ERI1: variants seen among roughly 807,000 people sequenced by gnomAD.
The protein encoded by ERI1 is 3'-5' exoribonuclease 1.
Under a neutral mutation model 39.7 loss-of-function variants are expected in ERI1, and 39 were observed. That is an observed-to-expected ratio of 0.98 (90% CI 0.76 to 1.28). The LOEUF (loss-of-function observed/expected upper bound fraction) is 1.28. ERI1 is among the 50% of genes most tolerant of loss of function. ERI1 has a pLI of 0.00. For synonymous variants in ERI1, 204 were observed against 149.6 expected (o/e 1.36, Z -2.65); for missense variants, 581 against 416.9 (o/e 1.39, Z -3.43).
chr8:9,077,709 T>C (rs754005176), intron 3 of ERI1, among the ~76,000 whole-genome samples: 1 of 152,224 alleles, frequency 6.6e-6, no homozygotes, highest in Admixed American at 6.5e-5. Context: ...CTTTAGTCTA[T>C]TTTCCTGAGT....
intron 3 of ERI1, among the ~76,000 whole-genome samples, chr8:9,066,389 A>C (rs1053679503): frequency 6.6e-6 from 1 of 152,238 alleles, no homozygotes; most frequent in African/African-American, 2.4e-5. Context: ...TTGGATAAGA[A>C]GAAAGCAAGA....
chr8:9,008,276 A>G (rs1264672002), intron 2 of ERI1, 128 bp downstream of exon 2: 1 of 816,476 alleles, frequency 1.2e-6, no homozygotes, highest in African/African-American at 1.8e-5. Flanking sequence ...AACAGTTCAC[A>G]AAAACTAATT....
At chr8:9,035,780 G>T (rs192556622), downstream of ERI1, among the ~76,000 whole-genome samples, 6 of 152,186 alleles carry the variant, frequency 3.9e-5, no homozygotes, top group African/African-American at 1.4e-4. Context: ...GTAGTGATTC[G>T]TCTGATGGAT....
At chr8:9,005,797 A>G (rs372753292) in intron 1 of ERI1, among the ~76,000 whole-genome samples, 3 of 152,222 alleles carry the variant, frequency 2.0e-5, no homozygotes, top group Admixed American at 1.3e-4. Context: ...CCCGGCCTCA[A>G]CGACAGTTTT....
At chr8:9,056,147 G>C (rs1798499808) in intron 3 of ERI1, among the ~76,000 whole-genome samples, 1 of 152,256 alleles carries the variant, frequency 6.6e-6, no homozygotes, top group South Asian at 2.1e-4. Flanking sequence ...TCGTGAAGAA[G>C]AGTTTGGAAA....
chr8:9,023,793 CTTTTTT>C lies in ERI1; in HGVS notation c.807+3347_807+3352del, dbSNP rs3083379. On this transcript the variant is annotated intron_variant, in intron 6 of 6. Transcript: ENST00000250263. ...ACATTTTTTTTTTAAGTAAAAATGA[CTTTTTT>C]TTTTTTTTTTTTTTTTTGAGGCGGA... Among the ~76,000 whole-genome samples the C allele has an allele frequency of 1.2e-4, 10 of 80,544 alleles. 1 individual carries two copies. Among genetic ancestry groups the C allele is most frequent in the African/African-American group, 2.6e-4 (5 of 19,602 alleles). The allele number at this position is 80,544 out of a possible 152,430, so 52.8% of individuals were successfully genotyped here. A position where few individuals can be genotyped will look rare whatever the true frequency, so the allele number is the denominator to read the frequency against.
intron 3 of ERI1, among the ~76,000 whole-genome samples, chr8:9,079,357 G>C (rs532589123): frequency 1.3e-5 from 2 of 152,338 alleles, no homozygotes; most frequent in South Asian, 4.1e-4. Context: ...CATGAGTTCA[G>C]CTATAGACCG....
chr8:9,035,697 G>T (rs954230957), downstream of ERI1, among the ~76,000 whole-genome samples: 1 of 152,320 alleles, frequency 6.6e-6, no homozygotes, highest in East Asian at 1.9e-4. Context: ...ACAGCCCATG[G>T]ATCAAGTAGT....
intron 1 of ERI1, among the ~76,000 whole-genome samples, chr8:9,004,485 C>CTTTTTTTTTTTTTTTTTTTTT (rs71201904): frequency 1.3e-5 from 1 of 78,328 alleles, no homozygotes; most frequent in African/African-American, 5.0e-5. Context: ...TATAGTGATA[C>CTTTTTTTTTTTTTTTTTTTTT]TTTTTTTTTT....
At position 9,029,899 on chromosome 8, in the gene ERI1, A is replaced by G. The variant is rs565090653; in HGVS notation, c.915A>G (p.Ile305Met). The change falls in exon 7 of 7, where the codon ATA (isoleucine) becomes ATG (methionine). Residue 305 changes from isoleucine to methionine, a missense_variant. By Grantham distance (10) the Ile-to-Met change is conservative. Coordinates refer to ENST00000250263, the MANE Select transcript of ERI1 (RefSeq NM_153332.4). ...GLDDSKNIAR[I>M]AVRMLQDGCE... The stretch of plus-strand genomic sequence containing the variant: ...ATGACTCTAAGAATATCGCCCGAAT[A>G]GCAGTTCGAATGCTTCAGGATGGGT... The G allele has an allele frequency of 3.1e-6, 5 of 1,614,226 alleles. No individual in the cohort carries two copies. Among genetic ancestry groups the G allele is most frequent in the South Asian group, 1.1e-5 (1 of 91,092 alleles).
chr8:9,008,371 C>T (rs1215420029), intron 2 of ERI1, among the ~76,000 whole-genome samples: 1 of 152,082 alleles, frequency 6.6e-6, no homozygotes, highest in Non-Finnish European at 1.5e-5. Context: ...ATTTTAATGA[C>T]CTACCGGCAA....
chr8:9,007,781 A>G (rs553395786), intron 1 of ERI1, among the ~76,000 whole-genome samples, 189 bp from the exon 2 acceptor site: 6 of 152,166 alleles, frequency 3.9e-5, no homozygotes, highest in Non-Finnish European at 7.4e-5. Context: ...AGTGGGGTAA[A>G]TTGTATTGGA....
intron 4 of ERI1, among the ~76,000 whole-genome samples, chr8:9,017,992 C>T (rs112679082): frequency 6.6e-6 from 1 of 152,110 alleles, no homozygotes; most frequent in Non-Finnish European, 1.5e-5. Context: ...TCTTTTCCCT[C>T]CTCTAGAAAT....
intron 3 of ERI1, among the ~76,000 whole-genome samples, chr8:9,063,540 T>C (rs2117404603): frequency 6.6e-6 from 1 of 152,092 alleles, no homozygotes; most frequent in East Asian, 1.9e-4. Context: ...AGAGGTCAGA[T>C]GGGTCTGTAG....
At chr8:9,073,858 A>G (rs1361269197) in intron 3 of ERI1, among the ~76,000 whole-genome samples, 2 of 152,328 alleles carry the variant, frequency 1.3e-5, no homozygotes, top group East Asian at 3.9e-4. Context: ...ATTCACAACT[A>G]GCTTCTTAAA....
intron 6 of ERI1, 81 bp from the exon 7 acceptor site, chr8:9,029,711 T>G (rs1247506033): frequency 6.6e-7 from 1 of 1,526,688 alleles, no homozygotes; most frequent in Non-Finnish European, 9.0e-7. Flanking sequence ...AATTTTCAGT[T>G]TCTTATTTTT....
At chr8:9,090,114 A>G (rs1008738980) in intron 3 of ERI1, among the ~76,000 whole-genome samples, 2 of 152,196 alleles carry the variant, frequency 1.3e-5, no homozygotes, top group Admixed American at 6.5e-5. Context: ...AGGCACCAAG[A>G]GCCAGTAATG....
intron 3 of ERI1, among the ~76,000 whole-genome samples, chr8:9,074,328 C>G (rs1257777272): frequency 1.3e-5 from 2 of 150,004 alleles, no homozygotes; most frequent in Non-Finnish European, 2.9e-5. Flanking sequence ...CCAGGCTGGA[C>G]TTGAACTCCT....
intron 3 of ERI1, among the ~76,000 whole-genome samples, chr8:9,059,588 AAAG>A (rs750054788): frequency 2.0e-5 from 3 of 152,268 alleles, no homozygotes; most frequent in East Asian, 1.9e-4. Context: ...TGAAGTGAAA[AAAG>A]AAGGGAATAA....
Sources: gnomAD v4.1 joint callset for allele counts (sites outside exome capture counted in the v4.1 genomes callset) on GRCh38, gnomAD v4.1.1 for gene constraint, MANE v1.5 for transcripts, NCBI Gene and HGNC (gene_info 2026-07-23, HGNC 2026-07-21) for gene names.